DDAH1: variants seen among roughly 807,000 people sequenced by gnomAD.
The protein encoded by DDAH1 is dimethylarginine dimethylaminohydrolase 1.
Under a neutral mutation model 28.8 loss-of-function variants are expected in DDAH1, and 19 were observed. That is an observed-to-expected ratio of 0.66 (90% CI 0.46 to 0.97). The LOEUF is 0.97. Ranked by LOEUF, DDAH1 falls within the 50% of genes least tolerant of loss-of-function variation. DDAH1 has a pLI of 0.00. For synonymous variants in DDAH1, 153 were observed against 154.4 expected (o/e 0.99, Z 0.07); for missense variants, 326 against 375.9 (o/e 0.87, Z 1.10).
intron 1 of DDAH1, among the ~76,000 whole-genome samples, chr1:85,552,642 G>C (rs931322231): frequency 1.2e-4 from 18 of 152,070 alleles, no homozygotes; most frequent in Non-Finnish European, 2.6e-4. Context: ...GATGATCTGT[G>C]GGAAGCTTCT....
chr1:85,436,361 A>G (rs1266043727), intron 1 of DDAH1, among the ~76,000 whole-genome samples: 2 of 152,164 alleles, frequency 1.3e-5, no homozygotes, highest in Admixed American at 6.5e-5. Flanking sequence ...TTTTAAAGCT[A>G]CATGTGAATT....
In DDAH1 at chr1:85,321,116, C is replaced by A; in HGVS notation, c.*336G>T. ...TTATCTGACTGATCAAGAAGACATT[C>A]TTCAGAATATACTGGCAACTAAATA... On this transcript the variant is annotated 3_prime_UTR_variant, in exon 6 of 6. Transcript: ENST00000284031. 6.2e-6 allele frequency: 1 copy of A among 160,378 alleles called. No homozygotes were observed. The highest frequency in any genetic ancestry group is 1.3e-5 in the Non-Finnish European group (1 of 76,448). The allele number at this position is 160,378 out of a possible 1,614,324, so 9.9% of individuals were successfully genotyped here.
chr1:85,421,549 T>C (rs926423240), intron 1 of DDAH1, among the ~76,000 whole-genome samples: 5 of 152,166 alleles, frequency 3.3e-5, no homozygotes, highest in African/African-American at 4.8e-5. Flanking sequence ...TCTGTAATTA[T>C]AGTATCATAT....
chr1:85,423,387 T>C (rs1013931984), intron 1 of DDAH1, among the ~76,000 whole-genome samples: 5 of 152,188 alleles, frequency 3.3e-5, no homozygotes, highest in Admixed American at 3.3e-4. Context: ...ATTTGAGTCT[T>C]CCAATTCATT....
intron 1 of DDAH1, among the ~76,000 whole-genome samples, chr1:85,386,269 G>A (rs1651250204): frequency 6.6e-6 from 1 of 152,110 alleles, no homozygotes; most frequent in South Asian, 2.1e-4. Flanking sequence ...ATACTCAAGG[G>A]AAGTTACTTA....
Position 85,320,518 on chromosome 1 carries a change from GA to G in DDAH1, c.*933del, listed in dbSNP as rs370884327. 0.05 allele frequency: 6,980 copies of G among 140,226 alleles called. 191 individuals are homozygous for G. Among genetic ancestry groups the G allele is most frequent in the Non-Finnish European group, 0.058 (3,673 of 63,682 alleles). 8.7% of individuals were successfully genotyped at this position (140,226 alleles called of 1,614,324 possible). A position where few individuals can be genotyped will look rare whatever the true frequency, so the allele number is the denominator to read the frequency against. On this transcript the variant is annotated 3_prime_UTR_variant, in exon 6 of 6. Coordinates refer to ENST00000284031, the MANE Select transcript of DDAH1 (RefSeq NM_012137.4). Reference sequence around the variant, plus strand: ...AGGTGGAAACAGAAATGAGTAGAAGGAAAAAAAAAAAAGAGTTCCTCCAAGG... The same window carrying G: ...AGGTGGAAACAGAAATGAGTAGAAGGAAAAAAAAAAAGAGTTCCTCCAAGG...
chr1:85,565,718 C>A (rs1430554469), intron 1 of DDAH1, among the ~76,000 whole-genome samples: 1 of 152,134 alleles, frequency 6.6e-6, no homozygotes, highest in Non-Finnish European at 1.5e-5. Flanking sequence ...TAAGGAGCAC[C>A]AGAAATGGTA....
At chr1:85,500,528 T>C (rs931007679) in intron 1 of DDAH1, among the ~76,000 whole-genome samples, 3 of 152,200 alleles carry the variant, frequency 2.0e-5, no homozygotes, top group Admixed American at 1.3e-4. Flanking sequence ...TTGGTTATAA[T>C]GTACCCAGGA....
At chr1:85,339,001 C>T (rs1159255378) in intron 4 of DDAH1, among the ~76,000 whole-genome samples, 1 of 148,662 alleles carries the variant, frequency 6.7e-6, no homozygotes, top group East Asian at 2.0e-4. Context: ...GAGCTAAGAT[C>T]GTGCCATTGT....
intron 2 of DDAH1, among the ~76,000 whole-genome samples, chr1:85,491,044 T>C (rs494617): frequency 0.87 from 116,281 of 133,358 alleles, 49,641 homozygotes; most frequent in African/African-American, 0.92. Flanking sequence ...GTAACATGTA[T>C]TCTTTTTTTT....
chr1:85,394,545 T>C (rs563176801), intron 1 of DDAH1, among the ~76,000 whole-genome samples: 1 of 152,346 alleles, frequency 6.6e-6, no homozygotes, highest in Admixed American at 6.5e-5. Context: ...GGTAAATCTT[T>C]GGTAAATAAG....
intron 2 of DDAH1, among the ~76,000 whole-genome samples, chr1:85,479,329 G>A (rs1317331304): frequency 4.6e-5 from 7 of 150,854 alleles, no homozygotes; most frequent in African/African-American, 4.9e-5. Context: ...GCCCGCCACC[G>A]CGCCCGGCTA....
intron 1 of DDAH1, among the ~76,000 whole-genome samples, chr1:85,400,170 T>G (rs1652000966): frequency 2.6e-5 from 1 of 37,816 alleles, no homozygotes; most frequent in Non-Finnish European, 5.3e-5. Context: ...TTCCTTTCTT[T>G]TCTTTTCTTT....
chr1:85,514,542 AG>A (rs1432312869), intron 1 of DDAH1, among the ~76,000 whole-genome samples: 5 of 127,402 alleles, frequency 3.9e-5, no homozygotes, highest in African/African-American at 1.4e-4. Context: ...AAAAAAAAAA[AG>A]GCAAGGTAAA....
intron 1 of DDAH1, among the ~76,000 whole-genome samples, chr1:85,515,749 A>G (rs2100756094): frequency 6.6e-6 from 1 of 152,316 alleles, no homozygotes; most frequent in Admixed American, 6.5e-5. Flanking sequence ...AAGAAAAACA[A>G]ATTTAAAATT....
chr1:85,573,770 T>G (rs559647649), intron 1 of DDAH1, among the ~76,000 whole-genome samples: 5 of 152,342 alleles, frequency 3.3e-5, no homozygotes, highest in African/African-American at 1.2e-4. Flanking sequence ...AATTCCAATT[T>G]TCTTAATAGG....
chr1:85,514,420 A>C (rs1249996697), intron 1 of DDAH1, among the ~76,000 whole-genome samples: 2 of 151,972 alleles, frequency 1.3e-5, no homozygotes, highest in Non-Finnish European at 2.9e-5. Flanking sequence ...TAGGAGAAAT[A>C]CCTAATGTAA....
At position 85,373,462 on chromosome 1, in the gene DDAH1, C is replaced by T. The variant is rs185221319; in HGVS notation, c.304-14615G>A. Among the ~76,000 whole-genome samples, 38 of 152,124 alleles carry T rather than the reference C, an allele frequency of 2.5e-4. 1 individual carries two copies. In the East Asian group the frequency reaches 7.0e-3, roughly 28 times the overall value. ...GATGATTGGATCATGGGGGTGGTTT[C>T]CCCCATGCTTTTCTCGTGACAATGA... On this transcript the variant is annotated intron_variant, in intron 1 of 5. Coordinates refer to ENST00000284031, the MANE Select transcript of DDAH1 (RefSeq NM_012137.4).
chr1:85,498,213 C>T (rs955232969), intron 1 of DDAH1, among the ~76,000 whole-genome samples: 10 of 152,122 alleles, frequency 6.6e-5, no homozygotes, highest in African/African-American at 2.2e-4. Flanking sequence ...AGGACTATAG[C>T]GGTGACTTCC....
Sources: gnomAD v4.1 joint callset for allele counts (sites outside exome capture counted in the v4.1 genomes callset) on GRCh38, gnomAD v4.1.1 for gene constraint, MANE v1.5 for transcripts, NCBI Gene and HGNC (gene_info 2026-07-23, HGNC 2026-07-21) for gene names.